Variants in GPM6A observed in about 807,000 individuals in gnomAD.
GPM6A encodes glycoprotein M6A.
GPM6A carries 7 observed loss-of-function variants against 32.1 expected under a neutral mutation model. The ratio of observed to expected loss-of-function variants is 0.22; its 90% confidence interval spans 0.12 to 0.41. The LOEUF (loss-of-function observed/expected upper bound fraction) is 0.41. Ranked by LOEUF, GPM6A falls within the 10% of genes least tolerant of loss-of-function variation. The pLI, the probability that GPM6A is intolerant of heterozygous loss-of-function variation, is 1.00. For synonymous variants in GPM6A, 130 were observed against 123.4 expected (o/e 1.05, Z -0.35); for missense variants, 235 against 347.2 (o/e 0.68, Z 2.57).
intron 1 of GPM6A, among the ~76,000 whole-genome samples, chr4:175,969,181 C>T (rs538284891): frequency 3.3e-5 from 5 of 152,236 alleles, no homozygotes; most frequent in African/African-American, 1.2e-4. Flanking sequence ...TATATGACTG[C>T]AACTATATGA....
intron 1 of GPM6A, among the ~76,000 whole-genome samples, chr4:175,890,548 T>C (rs968793258): frequency 6.0e-5 from 9 of 151,198 alleles, no homozygotes; most frequent in Admixed American, 1.3e-4. Flanking sequence ...ATGTTTTTAT[T>C]TTATTTTATT....
chr4:175,704,610 G>A (rs1185561999), intron 1 of GPM6A, among the ~76,000 whole-genome samples: 1 of 152,122 alleles, frequency 6.6e-6, no homozygotes, highest in African/African-American at 2.4e-5. Context: ...ATTAGTGCCA[G>A]CCCAATGTAG....
At chr4:175,899,890 G>T (rs187373569) in intron 1 of GPM6A, among the ~76,000 whole-genome samples, 4,933 of 152,124 alleles carry the variant, frequency 0.032, 267 homozygotes, top group African/African-American at 0.11. Flanking sequence ...AAGTTAAAAA[G>T]CTTCTGCACA....
chr4:175,687,844 T>C (rs901208799), intron 2 of GPM6A, among the ~76,000 whole-genome samples: 3 of 152,146 alleles, frequency 2.0e-5, no homozygotes, highest in African/African-American at 7.2e-5. Flanking sequence ...CACTTGTTAT[T>C]TTCTGTCTTA....
At chr4:175,916,385 C>T (rs1410485189) in intron 1 of GPM6A, among the ~76,000 whole-genome samples, 2 of 152,196 alleles carry the variant, frequency 1.3e-5, no homozygotes, top group Non-Finnish European at 2.9e-5. Flanking sequence ...ATTCCATCAG[C>T]TTTGGAGCTA....
intron 1 of GPM6A, among the ~76,000 whole-genome samples, chr4:175,776,104 T>TA (rs1733383386): frequency 6.6e-6 from 1 of 152,182 alleles, no homozygotes. Flanking sequence ...CAGATTTTTT[T>TA]AAAGGGACAA....
At chr4:175,892,138 G>C (rs1223594522) in intron 1 of GPM6A, among the ~76,000 whole-genome samples, 2 of 152,098 alleles carry the variant, frequency 1.3e-5, no homozygotes, top group Non-Finnish European at 2.9e-5. Flanking sequence ...ACATTCTCAA[G>C]AACAAAATTA....
chr4:175,696,018 GACAA>G (rs1744560946), intron 2 of GPM6A, among the ~76,000 whole-genome samples: 1 of 152,170 alleles, frequency 6.6e-6, no homozygotes, highest in African/African-American at 2.4e-5. Flanking sequence ...TATGTTCAGG[GACAA>G]ACAGACTTAA....
intron 1 of GPM6A, among the ~76,000 whole-genome samples, chr4:175,913,313 A>G (rs1738381546): frequency 6.6e-6 from 1 of 152,214 alleles, no homozygotes. Context: ...GTATATATTC[A>G]TGTGTTTTAA....
intron 6 of GPM6A, among the ~76,000 whole-genome samples, chr4:175,639,779 T>C (rs1741029165): frequency 6.6e-6 from 1 of 152,080 alleles, no homozygotes; most frequent in Non-Finnish European, 1.5e-5. Context: ...TTAATGTTCT[T>C]AGCTAAGGAA....
At chr4:175,912,604 A>G (rs1302735393) in intron 1 of GPM6A, among the ~76,000 whole-genome samples, 1 of 152,174 alleles carries the variant, frequency 6.6e-6, no homozygotes, top group Non-Finnish European at 1.5e-5. Context: ...GCAGTAAGCC[A>G]AGATCACACC....
chr4:175,977,367 T>C (rs1740693609), intron 1 of GPM6A, among the ~76,000 whole-genome samples: 1 of 152,196 alleles, frequency 6.6e-6, no homozygotes, highest in Non-Finnish European at 1.5e-5. Context: ...TGACAAATAC[T>C]ACAAAAAATG....
At chr4:175,805,029 C>T (rs550409732) in intron 1 of GPM6A, among the ~76,000 whole-genome samples, 20 of 151,408 alleles carry the variant, frequency 1.3e-4, no homozygotes, top group South Asian at 1.3e-3. Flanking sequence ...GGGCGATGAG[C>T]GAGACTCCAT....
At chr4:175,698,927 A>T (rs749728819) in intron 2 of GPM6A, among the ~76,000 whole-genome samples, 48 of 152,148 alleles carry the variant, frequency 3.2e-4, no homozygotes, top group Non-Finnish European at 6.6e-4. Flanking sequence ...TCTCTACAAT[A>T]TATGAAAGTT....
At chr4:175,801,751 C>A (rs1734480946) in intron 1 of GPM6A, among the ~76,000 whole-genome samples, 1 of 152,026 alleles carries the variant, frequency 6.6e-6, no homozygotes, top group Non-Finnish European at 1.5e-5. Flanking sequence ...AGTGGTGTTG[C>A]TTTTGCATTA....
upstream of GPM6A, chr4:175,812,776 T>A: frequency 1.0e-6 from 1 of 985,398 alleles, no homozygotes; most frequent in Non-Finnish European, 1.2e-6. Flanking sequence ...TCCCGTCGGT[T>A]CTTTATGCTG....
intron 1 of GPM6A, among the ~76,000 whole-genome samples, chr4:175,839,350 C>T (rs538586558): frequency 1.3e-5 from 2 of 150,826 alleles, no homozygotes; most frequent in South Asian, 2.1e-4. Flanking sequence ...CAGGCAATAA[C>T]GAAGAGGATT....
At chr4:175,988,648 C>A (rs896121417) in intron 1 of GPM6A, among the ~76,000 whole-genome samples, 1 of 152,130 alleles carries the variant, frequency 6.6e-6, no homozygotes, top group African/African-American at 2.4e-5. Context: ...GTGATCAAAA[C>A]TGAAATTTGA....
At chr4:175,873,140 C>A (rs1366106217) in intron 1 of GPM6A, among the ~76,000 whole-genome samples, 1 of 151,894 alleles carries the variant, frequency 6.6e-6, no homozygotes, top group Non-Finnish European at 1.5e-5. Flanking sequence ...TAATGAAGGA[C>A]AATGTGTGTT....
Sources: gnomAD v4.1 joint callset for allele counts (sites outside exome capture counted in the v4.1 genomes callset) on GRCh38, gnomAD v4.1.1 for gene constraint, MANE v1.5 for transcripts, NCBI Gene and HGNC (gene_info 2026-07-23, HGNC 2026-07-21) for gene names.